Variants in PTK7 observed in about 807,000 individuals in gnomAD.
PTK7 encodes the protein inactive tyrosine-protein kinase 7.
In PTK7, 39 loss-of-function variants were observed where a neutral mutation model predicts 116.6. The observed-to-expected ratio is 0.33, with a 90% CI of 0.26 to 0.44. The LOEUF (loss-of-function observed/expected upper bound fraction) is 0.44. PTK7 is among the 20% of genes least tolerant of loss of function. The pLI is 1.00. For missense variants in PTK7, 1,169 were observed against 1,425.6 expected (o/e 0.82, Z 2.90); for synonymous variants, 546 against 563.6 (o/e 0.97, Z 0.44).
At position 43,141,805 on chromosome 6, in the gene PTK7, C is replaced by G; in HGVS notation, c.1756C>G (p.Leu586Val). The change falls in exon 11 of 20, where the codon CTC becomes GTC. Residue 586 changes from leucine to valine, a missense_variant. Transcript: ENST00000230419. The surrounding 1 kb of genome is among the most constrained non-coding windows in gnomAD (Gnocchi z 4.9). ...PQGQIRAHVQ[L>V]TVAVFITFKV... is the part of the protein sequence containing the mutation. ...GGGCCAGATTCGTGCCCATGTCCAG[C>G]TCACTGTGGCAGGTGCGACCGTGGC... 1 of 1,613,792 alleles carries G rather than the reference C, an allele frequency of 6.2e-7. No individual in the cohort carries two copies. Among genetic ancestry groups the G allele is most frequent in the Non-Finnish European group, 8.5e-7 (1 of 1,179,860 alleles).
At chr6:43,115,055 A>C (rs922112654) in intron 1 of PTK7, among the ~76,000 whole-genome samples, 2 of 151,250 alleles carry the variant, frequency 1.3e-5, no homozygotes, top group African/African-American at 4.9e-5. Context: ...AAAAAAAAAA[A>C]CTTTACAAAA....
chr6:43,107,876 A>T (rs775824511), intron 1 of PTK7, among the ~76,000 whole-genome samples: 1 of 152,238 alleles, frequency 6.6e-6, no homozygotes, highest in Non-Finnish European at 1.5e-5. Context: ...ACCAAGTGCG[A>T]GATCTGCATC....
At chr6:43,097,879 T>C (rs1767346383) in intron 1 of PTK7, among the ~76,000 whole-genome samples, 1 of 152,204 alleles carries the variant, frequency 6.6e-6, no homozygotes, top group South Asian at 2.1e-4. Context: ...TTTTGTTGCC[T>C]ACAACTCGAT....
chr6:43,141,046 T>C lies in PTK7; in HGVS notation c.1619-622T>C, dbSNP rs1332680890. On this transcript the variant is annotated intron_variant, in intron 10 of 19. Transcript: ENST00000230419. The surrounding 1 kb of genome is among the most constrained non-coding windows in gnomAD (Gnocchi z 4.9). Reference sequence around the variant, plus strand: ...TAACCAGCCACCCACCCACCCCCTTTTTTTTCATTGCTGCAATAAACATCT... The same window carrying C: ...TAACCAGCCACCCACCCACCCCCTTCTTTTTCATTGCTGCAATAAACATCT... Among the ~76,000 whole-genome samples the C allele has an allele frequency of 6.6e-6, 1 of 152,082 alleles. No homozygotes were observed.
intron 1 of PTK7, among the ~76,000 whole-genome samples, chr6:43,096,954 T>C (rs1767295847): frequency 1.9e-5 from 1 of 52,914 alleles, no homozygotes; most frequent in South Asian, 7.1e-4. Flanking sequence ...TTAAGAATTC[T>C]TGGGGCCGTG....
intron 1 of PTK7, among the ~76,000 whole-genome samples, chr6:43,099,579 A>T (rs1767452111): frequency 6.6e-6 from 1 of 152,136 alleles, no homozygotes. Context: ...ATATAGATAG[A>T]GCAGGGAATG....
At chr6:43,116,010 G>A (rs1043096094) in intron 1 of PTK7, among the ~76,000 whole-genome samples, 3 of 151,258 alleles carry the variant, frequency 2.0e-5, no homozygotes, top group African/African-American at 4.9e-5. Flanking sequence ...GGGTCCAGGA[G>A]TGTACCCTTG....
At chr6:43,080,185 T>C (rs539928128) in intron 1 of PTK7, among the ~76,000 whole-genome samples, 35 of 151,724 alleles carry the variant, frequency 2.3e-4, no homozygotes, top group African/African-American at 7.7e-4. Context: ...ACCCCATCTC[T>C]ACTAAAAATA....
chr6:43,085,963 C>G (rs1028687943), intron 1 of PTK7, among the ~76,000 whole-genome samples: 2 of 151,492 alleles, frequency 1.3e-5, no homozygotes, highest in African/African-American at 4.9e-5. Context: ...AACATGGCTT[C>G]CTCATTCAAA....
chr6:43,157,356 A>ATTTTTTT (rs1717817800), intron 17 of PTK7, among the ~76,000 whole-genome samples: 1 of 3,198 alleles, frequency 3.1e-4, no homozygotes, highest in Non-Finnish European at 6.9e-4. Context: ...ATATATATAT[A>ATTTTTTT]TATATATATT....
intron 1 of PTK7, among the ~76,000 whole-genome samples, chr6:43,080,339 G>A (rs1258251221): frequency 6.6e-6 from 1 of 152,034 alleles, no homozygotes; most frequent in African/African-American, 2.4e-5. Context: ...GTGTCAGAGC[G>A]AGACTCTGTC....
Position 43,159,942 on chromosome 6 carries a change from C to T in PTK7, c.3028C>T (p.Gln1010Ter). ...FTHGEMPHGGQADDEVLADLQ... is the reference protein window; with the variant it reads ...FTHGEMPHGG ...ACATGGAGAGATGCCCCATGGTGGG[C>T]AGGCAGATGATGAAGTACTGGCAGG... Residue 1010 changes from glutamine to a stop codon, truncating the protein, a stop_gained, in exon 19 of 20, where the codon CAG becomes TAG. Transcript: ENST00000230419. LOFTEE classifies it high-confidence loss of function. 6.2e-7 allele frequency: 1 copy of T among 1,613,906 alleles called. No individual in the cohort carries two copies. The highest frequency in any genetic ancestry group is 8.5e-7 in the Non-Finnish European group (1 of 1,179,878).
At chr6:43,124,791 G>T (rs1769186882) in intron 1 of PTK7, among the ~76,000 whole-genome samples, 1 of 152,248 alleles carries the variant, frequency 6.6e-6, no homozygotes. Context: ...CGCAGCACTG[G>T]GCCAACCTGA....
At chr6:43,121,640 G>T (rs1300949992) in intron 1 of PTK7, among the ~76,000 whole-genome samples, 3 of 152,190 alleles carry the variant, frequency 2.0e-5, no homozygotes, top group African/African-American at 7.2e-5. Context: ...TATGCTCTGG[G>T]CTCACCATCA....
At chr6:43,120,702 A>G (rs923743367) in intron 1 of PTK7, among the ~76,000 whole-genome samples, 14 of 152,062 alleles carry the variant, frequency 9.2e-5, no homozygotes, top group Admixed American at 5.2e-4. Context: ...AGCCAGTCCA[A>G]TGTTAGGTCT....
intron 1 of PTK7, among the ~76,000 whole-genome samples, chr6:43,078,041 C>T (rs548401927): frequency 6.6e-6 from 1 of 152,392 alleles, no homozygotes; most frequent in South Asian, 2.1e-4. Flanking sequence ...GCAGCCCAAG[C>T]TCACAGGCCC....
intron 1 of PTK7, among the ~76,000 whole-genome samples, chr6:43,125,434 G>C (rs1769231494): frequency 6.6e-6 from 1 of 152,200 alleles, no homozygotes; most frequent in African/African-American, 2.4e-5. Context: ...GGCTGAGCTG[G>C]GGTCTCTCTG....
chr6:43,110,561 G>A (rs903274175), intron 1 of PTK7, among the ~76,000 whole-genome samples: 3 of 151,942 alleles, frequency 2.0e-5, no homozygotes, highest in African/African-American at 7.2e-5. Context: ...ACAGGCATGT[G>A]CCACCTTGCC....
chr6:43,143,235 G>A lies in PTK7; in HGVS notation c.2048-182G>A, dbSNP rs180888696. 35 of 612,256 alleles carry A rather than the reference G, an allele frequency of 5.7e-5. No individual in the cohort carries two copies. The Admixed American group carries it at 6.0e-4, about 11-fold the overall frequency. The allele number at this position is 612,256 out of a possible 1,614,324, so 37.9% of individuals were successfully genotyped here. A position where few individuals can be genotyped will look rare whatever the true frequency, so the allele number is the denominator to read the frequency against. ...AACCCCTGGCCTCATCTCCTTCAGAGTCTTCGTTTGACCTTGGTGGGGCAT... is the reference window on the plus strand; with the variant it reads ...AACCCCTGGCCTCATCTCCTTCAGAATCTTCGTTTGACCTTGGTGGGGCAT... On this transcript the variant is annotated intron_variant, in intron 13 of 19. Coordinates refer to ENST00000230419, the MANE Select transcript of PTK7 (RefSeq NM_002821.5). This position sits in a 1 kb window ranked among gnomAD's most constrained non-coding sequence, Gnocchi z 4.2.
Sources: allele counts gnomAD v4.1 joint callset (sites outside exome capture counted in the v4.1 genomes callset), GRCh38; gene constraint gnomAD v4.1.1; non-coding constraint Gnocchi (gnomAD v3.1); transcripts MANE v1.5; gene names NCBI Gene and HGNC (gene_info 2026-07-23, HGNC 2026-07-21).